Variants in CEP250 observed in about 807,000 individuals in gnomAD.
CEP250 encodes centrosomal protein 250, also known as centrosome-associated protein CEP250.
CEP250 carries 242 observed loss-of-function variants against 315.7 expected under a neutral mutation model. The ratio of observed to expected loss-of-function variants is 0.77; its 90% confidence interval spans 0.69 to 0.85. The LOEUF (loss-of-function observed/expected upper bound fraction) is 0.85. CEP250 is among the 40% of genes least tolerant of loss of function. The pLI is 0.00. For missense variants in CEP250, 2,515 were observed against 2,886.4 expected (o/e 0.87, Z 2.95); for synonymous variants, 1,088 against 1,175.0 (o/e 0.93, Z 1.51).
At chr20:35,484,985 T>C (rs960960682) in intron 20 of CEP250, among the ~76,000 whole-genome samples, 3 of 148,894 alleles carry the variant, frequency 2.0e-5, no homozygotes, top group African/African-American at 7.5e-5. Context: ...CTCATGCCTA[T>C]AATCCCACCA....
At chr20:35,475,321 A>G (rs920584567) in intron 14 of CEP250, among the ~76,000 whole-genome samples, 181 bp from the exon 15 acceptor site, 53 of 152,198 alleles carry the variant, frequency 3.5e-4, no homozygotes, top group African/African-American at 1.3e-3. Flanking sequence ...GTAGTGTATC[A>G]TGTATATACT....
chr20:35,508,345 G>GCT (rs2064255532), intron 32 of CEP250, among the ~76,000 whole-genome samples, 155 bp downstream of exon 32: 1 of 151,066 alleles, frequency 6.6e-6, no homozygotes, highest in Admixed American at 6.6e-5. Context: ...ACAGAGTCTT[G>GCT]CTCTGTCTCC....
intron 20 of CEP250, among the ~76,000 whole-genome samples, chr20:35,482,858 C>T (rs758797711): frequency 5.9e-5 from 9 of 152,190 alleles, no homozygotes; most frequent in Non-Finnish European, 8.8e-5. Context: ...CCACGCCTGG[C>T]AATTTCTTGT....
At chr20:35,506,561 C>T (rs1241326391) in intron 30 of CEP250, among the ~76,000 whole-genome samples, 3 of 152,150 alleles carry the variant, frequency 2.0e-5, no homozygotes, top group Admixed American at 6.5e-5. Flanking sequence ...ACTCTACATC[C>T]TGGTCCCTTG....
intron 28 of CEP250, 46 bp from the exon 29 acceptor site, chr20:35,501,799 G>A: frequency 6.5e-7 from 1 of 1,535,560 alleles, no homozygotes; most frequent in Non-Finnish European, 8.7e-7. Flanking sequence ...TCCCAAACAT[G>A]GGTCTTACTC....
At position 35,472,800 on chromosome 20, in the gene CEP250, C is replaced by G. The variant is rs762558144; in HGVS notation, c.1178C>G (p.Ser393Ter). The change falls in exon 12 of 35, where the codon TCA (serine) becomes TGA (stop). Residue 393 changes from serine (S) to a stop codon, truncating the protein, a stop_gained. Coordinates refer to ENST00000397527, the MANE Select transcript of CEP250 (RefSeq NM_007186.6). LOFTEE classifies it high-confidence loss of function. The part of the protein sequence containing the change: ...DADKALTLVR[S>*]VLTRRRQAVQ... ...GACAAGGCTCTTACTCTGGTGCGTTCAGTGCTGACTCGGAGACGCCAGGCT... is the reference window on the plus strand; with the variant it reads ...GACAAGGCTCTTACTCTGGTGCGTTGAGTGCTGACTCGGAGACGCCAGGCT... The G allele has an allele frequency of 6.2e-7, 1 of 1,614,174 alleles. No individual in the cohort carries two copies. Among genetic ancestry groups the G allele is most frequent in the East Asian group, 2.2e-5 (1 of 44,890 alleles).
Position 35,502,499 on chromosome 20 carries a change from T to C in CEP250, c.4130T>C (p.Leu1377Pro). Residue 1377 changes from leucine to proline, a missense_variant, in exon 30 of 35, where the codon CTG (leucine) becomes CCG (proline). Physicochemically the swap from Leu to Pro is moderately conservative, Grantham distance 98. Coordinates refer to ENST00000397527, the MANE Select transcript of CEP250 (RefSeq NM_007186.6). ...GCTCAGGCAAGTGCTGCTGGCATCC[T>C]GGAAGAAGACCTGAGAACGGCTCGC... The part of the protein sequence containing the change: ...ARAQASAAGI[L>P]EEDLRTARSA... 2 of 1,614,178 alleles carry C rather than the reference T, an allele frequency of 1.2e-6. No homozygotes were observed.
At chr20:35,469,043 A>G (rs2062961227) in intron 9 of CEP250, among the ~76,000 whole-genome samples, 1 of 152,138 alleles carries the variant, frequency 6.6e-6, no homozygotes, top group Non-Finnish European at 1.5e-5. Context: ...GTTCTTAGAG[A>G]TGGTATAGAA....
intron 20 of CEP250, among the ~76,000 whole-genome samples, chr20:35,483,730 C>T (rs1204292660): frequency 6.6e-6 from 1 of 151,968 alleles, no homozygotes; most frequent in African/African-American, 2.4e-5. Context: ...GACCTTTTTA[C>T]TCTATCCTTC....
intron 9 of CEP250, 21 bp downstream of exon 9, chr20:35,467,576 A>G (rs748549992): frequency 1.4e-5 from 22 of 1,610,906 alleles, no homozygotes; most frequent in Non-Finnish European, 1.6e-5. Flanking sequence ...CTGGGGTCCC[A>G]AGAAGGGTTC....
Position 35,477,933 on chromosome 20 carries a change from T to G in CEP250, c.1926T>G (p.Ala642=), listed in dbSNP as rs1483306842. The G allele has an allele frequency of 1.2e-6, 2 of 1,609,060 alleles. No individual in the cohort carries two copies. Among genetic ancestry groups the G allele is most frequent in the South Asian group, 2.2e-5 (2 of 89,828 alleles). Reference sequence around the variant, plus strand: ...AGGCCGCAGAGCAGGCGAGAAATGCTTTGCAGGTCGACCTGGCGGAGGCAG... The same window carrying G: ...AGGCCGCAGAGCAGGCGAGAAATGCGTTGCAGGTCGACCTGGCGGAGGCAG... The part of the protein sequence containing the change: ...RMEAAEQARN[A]LQVDLAEAEK... The change falls in exon 17 of 35, where the codon GCT becomes GCG. Residue 642 remains alanine (A), a synonymous_variant. Transcript: ENST00000397527.
chr20:35,465,895 G>T (rs2062867067), intron 6 of CEP250, 70 bp downstream of exon 6: 5 of 1,525,384 alleles, frequency 3.3e-6, no homozygotes, highest in Non-Finnish European at 4.5e-6. Context: ...GGAAACTTCT[G>T]CCCTGAGGGC....
Position 35,502,934 on chromosome 20 carries a change from A to G in CEP250, c.4565A>G (p.Asn1522Ser). The change falls in exon 30 of 35, where the codon AAC becomes AGC. Residue 1522 changes from asparagine (N) to serine (S), a missense_variant. Physicochemically the swap from Asn to Ser is conservative, Grantham distance 46. Transcript: ENST00000397527. Reference sequence around the variant, plus strand: ...GAGAAGGATCGGGAGACTCAGAGGAACGTCTTGGAGCATCAGCTTCTAGAA... The same window carrying G: ...GAGAAGGATCGGGAGACTCAGAGGAGCGTCTTGGAGCATCAGCTTCTAGAA... ...ELEKDRETQR[N>S]VLEHQLLELE... 1 of 1,614,224 alleles carries G rather than the reference A, an allele frequency of 6.2e-7. No individual in the cohort carries two copies. Among genetic ancestry groups the G allele is most frequent in the Non-Finnish European group, 8.5e-7 (1 of 1,180,022 alleles).
chr20:35,461,345 T>C (rs1342785357), intron 3 of CEP250, among the ~76,000 whole-genome samples: 1 of 152,218 alleles, frequency 6.6e-6, no homozygotes, highest in Non-Finnish European at 1.5e-5. Context: ...AAGTAGCACA[T>C]CTGAGGTCAC....
At chr20:35,466,643 G>T (rs2062884547) in intron 7 of CEP250, among the ~76,000 whole-genome samples, 1 of 152,024 alleles carries the variant, frequency 6.6e-6, no homozygotes, top group Non-Finnish European at 1.5e-5. Flanking sequence ...TTTTTGCTTT[G>T]TGCTCAGTGG....
rs2064141295 is a variant in CEP250, at chr20:35,504,890, A to C, written c.6521A>C (p.Gln2174Pro). ...AREIEWREKA[Q>P]DLALSLAQTK... ...GAGATTGAGTGGAGGGAGAAGGCCC[A>C]GGACTTGGCACTCTCCCTAGCGCAG... Residue 2174 changes from glutamine (Q) to proline (P), a missense_variant, in exon 30 of 35, where the codon CAG becomes CCG. Gln to Pro is a moderately conservative substitution (Grantham distance 76). Transcript: ENST00000397527. 6 of 1,614,132 alleles carry C rather than the reference A, an allele frequency of 3.7e-6. No individual in the cohort carries two copies. In the South Asian group the frequency reaches 6.6e-5, roughly 18 times the overall value.
intron 10 of CEP250, among the ~76,000 whole-genome samples, chr20:35,470,701 C>T (rs754626700): frequency 7.9e-5 from 12 of 152,120 alleles, no homozygotes; most frequent in Non-Finnish European, 1.6e-4. Flanking sequence ...TGTGGTGAGC[C>T]GAGGTTATGC....
At position 35,475,637 on chromosome 20, in the gene CEP250, G is replaced by A. The variant is rs369931804; in HGVS notation, c.1707G>A (p.Ala569=). Residue 569 remains alanine, a synonymous_variant, in exon 15 of 35, where the codon GCG becomes GCA. Coordinates refer to ENST00000397527, the MANE Select transcript of CEP250 (RefSeq NM_007186.6). ...LRQEQTEVTA[A]LARAEQSIAE... The stretch of plus-strand genomic sequence containing the variant: ...AAGAGCAAACGGAAGTGACCGCAGC[G>A]CTGGCTAGGGTGCGTGGCCTCCTCT... 8.7e-6 allele frequency: 14 copies of A among 1,613,584 alleles called. No homozygotes were observed. The highest frequency in any genetic ancestry group is 1.3e-5 in the African/African-American group (1 of 75,010).
Position 35,504,270 on chromosome 20 carries a change from G to T in CEP250, c.5901G>T (p.Gln1967His). The T allele has an allele frequency of 6.3e-7, 1 of 1,591,756 alleles. No homozygotes were observed. The highest frequency in any genetic ancestry group is 2.3e-5 in the East Asian group (1 of 43,608). ...CCCGGGCCCGGGCTGAGGCTCTGCA[G>T]GAGGCCCTTGGCAAGGCTCATGCTG... ...EAARARAEAL[Q>H]EALGKAHAAL... Residue 1967 changes from glutamine (Q) to histidine (H), a missense_variant, in exon 30 of 35, where the codon CAG (glutamine) becomes CAT (histidine). By Grantham distance (24) the Gln-to-His change is conservative. Coordinates refer to ENST00000397527, the MANE Select transcript of CEP250 (RefSeq NM_007186.6).
Sources: allele counts gnomAD v4.1 joint callset (sites outside exome capture counted in the v4.1 genomes callset), GRCh38; gene constraint gnomAD v4.1.1; transcripts MANE v1.5; gene names NCBI Gene and HGNC (gene_info 2026-07-23, HGNC 2026-07-21).